SPAG6: variants seen among roughly 807,000 people sequenced by gnomAD.
SPAG6 encodes the protein sperm associated antigen 6.
Under a neutral mutation model 58.5 loss-of-function variants are expected in SPAG6, and 49 were observed. The observed-to-expected ratio is 0.84, with a 90% CI of 0.67 to 1.06. SPAG6 has a LOEUF of 1.06. Ranked by LOEUF, SPAG6 falls within the 50% of genes least tolerant of loss-of-function variation. SPAG6 has a pLI of 0.00. For missense variants in SPAG6, 560 were observed against 611.3 expected, an observed-to-expected ratio of 0.92 and a Z score of 0.89; for synonymous variants, 233 against 225.6, an observed-to-expected ratio of 1.03 and a Z score of -0.29.
chr10:22,380,612 G>A (rs569664486), intron 4 of SPAG6, among the ~76,000 whole-genome samples: 7 of 152,040 alleles, frequency 4.6e-5, no homozygotes, highest in African/African-American at 1.7e-4. Flanking sequence ...CAGGCAAAAT[G>A]TAGATTTTTT....
intron 2 of SPAG6, among the ~76,000 whole-genome samples, chr10:22,353,062 T>C (rs1220739352): frequency 6.6e-6 from 1 of 152,224 alleles, no homozygotes; most frequent in East Asian, 1.9e-4. Context: ...TGTATACATA[T>C]ATTAATATTT....
intron 10 of SPAG6, 191 bp downstream of exon 10, chr10:22,411,367 C>T: frequency 2.2e-6 from 1 of 462,472 alleles, no homozygotes; most frequent in Non-Finnish European, 3.8e-6. Context: ...CGCACATTTC[C>T]AATTCAAACT....
intron 9 of SPAG6, among the ~76,000 whole-genome samples, chr10:22,410,538 G>C (rs532107256): frequency 6.6e-6 from 1 of 152,164 alleles, no homozygotes; most frequent in South Asian, 2.1e-4. Flanking sequence ...CCAAGCATAA[G>C]GGGAGAGGTT....
At chr10:22,399,172 T>C (rs1834358101) in intron 8 of SPAG6, among the ~76,000 whole-genome samples, 1 of 152,194 alleles carries the variant, frequency 6.6e-6, no homozygotes, top group African/African-American at 2.4e-5. Flanking sequence ...TACCATAAAT[T>C]CACTCATTTT....
intron 9 of SPAG6, among the ~76,000 whole-genome samples, chr10:22,407,474 C>T (rs1834589024): frequency 1.3e-5 from 2 of 152,314 alleles, no homozygotes; most frequent in East Asian, 3.9e-4. Flanking sequence ...CCCCCACTCT[C>T]TTCTGGCTTA....
intron 3 of SPAG6, 107 bp downstream of exon 3, chr10:22,365,126 T>A: frequency 1.4e-6 from 1 of 706,014 alleles, no homozygotes; most frequent in Non-Finnish European, 2.2e-6. Context: ...ATTAGGGGGT[T>A]AACACAATCT....
At chr10:22,394,094 C>G (rs1171531075) in intron 8 of SPAG6, among the ~76,000 whole-genome samples, 1 of 152,110 alleles carries the variant, frequency 6.6e-6, no homozygotes, top group Non-Finnish European at 1.5e-5. Context: ...GGTTACTTAT[C>G]TTTTTATTAT....
rs573352808 is a variant in SPAG6 at position 22,389,236 on chromosome 10, G to A, written c.929G>A (p.Arg310Gln). The A allele has an allele frequency of 1.9e-5, 31 of 1,613,158 alleles. No individual in the cohort carries two copies. The highest frequency in any genetic ancestry group is 1.7e-4 in the Middle Eastern group (1 of 5,728). The change falls in exon 7 of 11, where the codon CGG becomes CAG. Residue 310 changes from arginine (R) to glutamine (Q), a missense_variant. Transcript: ENST00000376624. The part of the protein sequence containing the change: ...DCIGSCKGNT[R>Q]LPGIMMLGYV... ...ATTGGGTCCTGCAAAGGGAACACAC[G>A]GCTGCCTGGCATCATGATGCTTGGT...
intron 10 of SPAG6, among the ~76,000 whole-genome samples, chr10:22,414,402 T>G (rs1334758059): frequency 1.3e-5 from 2 of 152,170 alleles, no homozygotes; most frequent in African/African-American, 4.8e-5. Context: ...CGCTAAGAGC[T>G]CAGGCTTAGG....
At chr10:22,384,770 C>T (rs2066354) in intron 4 of SPAG6, among the ~76,000 whole-genome samples, 25,328 of 152,110 alleles carry the variant, frequency 0.17, 6,316 homozygotes, top group African/African-American at 0.55. Context: ...AAAACTTGGG[C>T]AACAAGTTAG....
intron 4 of SPAG6, among the ~76,000 whole-genome samples, chr10:22,385,109 C>T (rs11012979): frequency 5.3e-5 from 8 of 151,780 alleles, no homozygotes; most frequent in Admixed American, 1.3e-4. Flanking sequence ...TGGATAGAGT[C>T]GAATTCTTAA....
chr10:22,403,180 A>G (rs1834456602), intron 9 of SPAG6, among the ~76,000 whole-genome samples: 1 of 152,114 alleles, frequency 6.6e-6, no homozygotes, highest in South Asian at 2.1e-4. Flanking sequence ...CATGTGCACA[A>G]TGTGCAGGTT....
At chr10:22,405,198 C>A (rs551787003) in intron 9 of SPAG6, among the ~76,000 whole-genome samples, 5,850 of 151,808 alleles carry the variant, frequency 0.039, 249 homozygotes, top group African/African-American at 0.1. Flanking sequence ...TGAGAGAGGG[C>A]ATCCCTGTCT....
chr10:22,367,461 T>G (rs1482701169), intron 3 of SPAG6, among the ~76,000 whole-genome samples: 6 of 152,200 alleles, frequency 3.9e-5, no homozygotes, highest in Non-Finnish European at 8.8e-5. Context: ...TGTGTTTTTT[T>G]CTCCTGTAAT....
At chr10:22,379,501 T>C (rs944134509) in intron 4 of SPAG6, among the ~76,000 whole-genome samples, 4 of 152,218 alleles carry the variant, frequency 2.6e-5, no homozygotes, top group African/African-American at 9.6e-5. Context: ...GGAAGCCTCA[T>C]CATGAGCAGC....
At chr10:22,378,622 C>T (rs1235332443) in intron 4 of SPAG6, among the ~76,000 whole-genome samples, 2 of 152,018 alleles carry the variant, frequency 1.3e-5, no homozygotes, top group Admixed American at 6.6e-5. Flanking sequence ...TGTAGTTTTG[C>T]GTTACTCGAT....
chr10:22,393,259 T>C (rs908712948), intron 8 of SPAG6, among the ~76,000 whole-genome samples: 2 of 152,140 alleles, frequency 1.3e-5, no homozygotes, highest in African/African-American at 4.8e-5. Flanking sequence ...CCTTCTCCTC[T>C]TCCACCCTCT....
chr10:22,357,538 A>T (rs1042114384), intron 2 of SPAG6, among the ~76,000 whole-genome samples: 1 of 152,122 alleles, frequency 6.6e-6, no homozygotes, highest in Non-Finnish European at 1.5e-5. Flanking sequence ...TAATAAAATT[A>T]TGTGGATGAA....
At chr10:22,401,548 G>A (rs934030857) in intron 9 of SPAG6, among the ~76,000 whole-genome samples, 1 of 152,048 alleles carries the variant, frequency 6.6e-6, no homozygotes, top group Non-Finnish European at 1.5e-5. Context: ...AATTTATATT[G>A]ATAAGTGACT....
Sources: allele counts gnomAD v4.1 joint callset (sites outside exome capture counted in the v4.1 genomes callset), GRCh38; gene constraint gnomAD v4.1.1; transcripts MANE v1.5; gene names NCBI Gene and HGNC (gene_info 2026-07-23, HGNC 2026-07-21).